Variants in ACSBG1 observed in about 807,000 individuals in gnomAD.
ACSBG1 encodes acyl-CoA synthetase bubblegum family member 1, also known as long-chain-fatty-acid--CoA ligase ACSBG1.
ACSBG1 carries 39 observed loss-of-function variants against 80.2 expected under a neutral mutation model. That is an observed-to-expected ratio of 0.49 (90% CI 0.38 to 0.64). The LOEUF (loss-of-function observed/expected upper bound fraction) is 0.64. Among genes scored for constraint, ACSBG1 ranks in the 30% least tolerant of loss-of-function variants. The probability of loss-of-function intolerance (pLI) is 0.00; values close to 1 mark genes in which losing one functional copy is unlikely to be tolerated. For synonymous variants in ACSBG1, 392 were observed against 379.5 expected (o/e 1.03, Z -0.38); for missense variants, 828 against 966.4 (o/e 0.86, Z 1.90).
intron 5 of ACSBG1, among the ~76,000 whole-genome samples, chr15:78,187,117 A>T (rs962153896): frequency 2.0e-5 from 3 of 152,326 alleles, no homozygotes; most frequent in Admixed American, 2.0e-4. Context: ...TCCCAAGACT[A>T]AACCAGGAAG....
In ACSBG1 at chr15:78,208,104, TG is replaced by T. The variant is rs754153527; in HGVS notation, c.132-3del. On this transcript the variant is annotated splice_polypyrimidine_tract_variant and splice_region_variant and intron_variant, in intron 1 of 13. Coordinates refer to ENST00000258873, the MANE Select transcript of ACSBG1 (RefSeq NM_015162.5). ...AGTGGCTGCCTGTCAGTCAGTGAGC[TG>T]GGGTGGTGAGGGGACCAGGAAAAAC... 1.4e-5 allele frequency: 22 copies of T among 1,613,080 alleles called. No individual in the cohort carries two copies. The highest frequency in any genetic ancestry group is 2.7e-5 in the African/African-American group (2 of 74,996).
chr15:78,200,439 G>A (rs895733803), intron 2 of ACSBG1, among the ~76,000 whole-genome samples: 1 of 152,116 alleles, frequency 6.6e-6, no homozygotes, highest in Non-Finnish European at 1.5e-5. Flanking sequence ...AGATTCTGGT[G>A]GGAAGGAGGC....
intron 1 of ACSBG1, among the ~76,000 whole-genome samples, chr15:78,218,793 ACGGAG>A (rs2075333897): frequency 1.0e-4 from 4 of 39,242 alleles, no homozygotes; most frequent in South Asian, 6.6e-4. Flanking sequence ...TTTTTTTGAG[ACGGAG>A]TATCGCTCTC....
chr15:78,204,120 A>G (rs924849808), intron 2 of ACSBG1, among the ~76,000 whole-genome samples: 3 of 152,192 alleles, frequency 2.0e-5, no homozygotes, highest in Admixed American at 2.0e-4. Context: ...CGGCCTTCTC[A>G]ATGGGGACTG....
chr15:78,201,077 C>T (rs573982991), intron 2 of ACSBG1, among the ~76,000 whole-genome samples: 3 of 152,202 alleles, frequency 2.0e-5, no homozygotes, highest in Non-Finnish European at 2.9e-5. Flanking sequence ...TCAAGGACCA[C>T]GTGTTGCCTC....
intron 1 of ACSBG1, among the ~76,000 whole-genome samples, chr15:78,225,433 A>AAATAAATAAAT (rs1491288043): frequency 6.8e-6 from 1 of 146,976 alleles, no homozygotes; most frequent in African/African-American, 2.5e-5. Context: ...ATAAATAAAT[A>AAATAAATAAAT]AAAATAAATT....
chr15:78,197,060 C>A (rs1368040004), intron 2 of ACSBG1, among the ~76,000 whole-genome samples: 2 of 150,308 alleles, frequency 1.3e-5, no homozygotes, highest in Non-Finnish European at 3.0e-5. Context: ...TGAGACCCAG[C>A]CTCAGAAAAA....
At chr15:78,234,326 C>A (rs764819829) in intron 1 of ACSBG1, 45 bp downstream of exon 1, 4 of 1,596,862 alleles carry the variant, frequency 2.5e-6, no homozygotes, top group Non-Finnish European at 3.4e-6. Context: ...AAGTCTAGAA[C>A]TCGGCCCACA....
At chr15:78,176,294 A>G (rs1443647245) in intron 11 of ACSBG1, among the ~76,000 whole-genome samples, 2 of 152,106 alleles carry the variant, frequency 1.3e-5, no homozygotes, top group Non-Finnish European at 1.5e-5. Context: ...CTTCTATTCA[A>G]CACTGTCCTG....
At chr15:78,181,899 G>A (rs2074949064) in intron 8 of ACSBG1, 70 bp downstream of exon 8, 1 of 1,546,954 alleles carries the variant, frequency 6.5e-7, no homozygotes, top group African/African-American at 1.4e-5. Flanking sequence ...ATGCACTCAG[G>A]GCCCACAGAC....
At position 78,173,606 on chromosome 15, in the gene ACSBG1, C is replaced by T. The variant is rs74894991; in HGVS notation, c.2076G>A (p.Ser692=). The change falls in exon 13 of 14, where the codon TCG becomes TCA. Residue 692 remains serine (S), a synonymous_variant. Coordinates refer to ENST00000258873, the MANE Select transcript of ACSBG1 (RefSeq NM_015162.5). ...WAILERDFSI[S]GGELGPTMKL... ...GGAAAAACCTACCCAACTCTCCACCCGAAATGGAGAAGTCTCTCTCGAGAA... is the reference window on the plus strand; with the variant it reads ...GGAAAAACCTACCCAACTCTCCACCTGAAATGGAGAAGTCTCTCTCGAGAA... 4,185 of 1,614,102 alleles carry T rather than the reference C, an allele frequency of 2.6e-3. 76 individuals are homozygous for T. In the African/African-American group the frequency reaches 0.047, roughly 18 times the overall value.
Position 78,179,795 on chromosome 15 carries a change from A to G in ACSBG1, c.1254-15T>C. The G allele has an allele frequency of 5.1e-6, 8 of 1,576,980 alleles. No homozygotes were observed. The highest frequency in any genetic ancestry group is 6.1e-6 in the Non-Finnish European group (7 of 1,149,536). ...GCTTCAGGTCGCTGGTGGGAGAGGG[A>G]GAATGGTTCACAGAAGAAATCACAC... is the stretch of plus-strand genomic sequence containing the variant. On this transcript the variant is annotated splice_polypyrimidine_tract_variant and intron_variant, in intron 9 of 13. Coordinates refer to ENST00000258873, the MANE Select transcript of ACSBG1 (RefSeq NM_015162.5).
chr15:78,177,501 A>G lies in ACSBG1; in HGVS notation c.1702+1113T>C, dbSNP rs934013055. Among the ~76,000 whole-genome samples the G allele has an allele frequency of 6.6e-6, 1 of 152,140 alleles. No individual in the cohort carries two copies. The highest frequency in any genetic ancestry group is 1.5e-5 in the Non-Finnish European group (1 of 68,030). ...GGTTGAATTTGGTTTTCTGGCTACT[A>G]TCCTCCCCCATGCAGGGATGTGGGT... On this transcript the variant is annotated intron_variant, in intron 11 of 13. Transcript: ENST00000258873. The surrounding 1 kb of genome is among the most constrained non-coding windows in gnomAD (Gnocchi z 4.1).
chr15:78,233,533 G>C (rs1370949556), intron 1 of ACSBG1, among the ~76,000 whole-genome samples: 3 of 152,128 alleles, frequency 2.0e-5, no homozygotes, highest in African/African-American at 7.2e-5. Flanking sequence ...TTCCTGTCTT[G>C]CTTTGTTAGG....
In ACSBG1 at chr15:78,234,410, T is replaced by C. The variant is rs946162923; in HGVS notation, c.92A>G (p.Asp31Gly). 2.1e-5 allele frequency: 34 copies of C among 1,612,888 alleles called. No individual in the cohort carries two copies. The highest frequency in any genetic ancestry group is 2.7e-5 in the African/African-American group (2 of 74,932). The change falls in exon 1 of 14, where the codon GAC becomes GGC. Residue 31 changes from aspartate to glycine, a missense_variant. Coordinates refer to ENST00000258873, the MANE Select transcript of ACSBG1 (RefSeq NM_015162.5). ...SRETPQESRQ[D>G]MIVRTTQEKL... Reference sequence around the variant, plus strand: ...TTCTTGGGTGGTCCTCACAATCATGTCCTGCCGGCTCTCCTGTGGGGTCTC... The same window carrying C: ...TTCTTGGGTGGTCCTCACAATCATGCCCTGCCGGCTCTCCTGTGGGGTCTC...
chr15:78,204,817 T>C (rs1029044040), intron 2 of ACSBG1, among the ~76,000 whole-genome samples: 3 of 152,158 alleles, frequency 2.0e-5, no homozygotes, highest in Non-Finnish European at 4.4e-5. Flanking sequence ...TCTTTCTGGC[T>C]CCCTAGCGCA....
At chr15:78,193,678 C>T (rs1463241070) in intron 4 of ACSBG1, 52 bp from the exon 5 acceptor site, 4 of 1,573,822 alleles carry the variant, frequency 2.5e-6, no homozygotes, top group Non-Finnish European at 3.4e-6. Flanking sequence ...AGGGGCCACC[C>T]CCTTCCCCCA....
chr15:78,194,617 A>C lies in ACSBG1; in HGVS notation c.342T>G (p.Asp114Glu). ...CCAAAGCGATGAGGTCCCCATACTTATCCAGGGCCTCGTAGAACATCCGAT... is the reference window on the plus strand; with the variant it reads ...CCAAAGCGATGAGGTCCCCATACTTCTCCAGGGCCTCGTAGAACATCCGAT... The part of the protein sequence containing the change: ...TVHRMFYEAL[D>E]KYGDLIALGF... The change falls in exon 3 of 14, where the codon GAT becomes GAG. Residue 114 changes from aspartate (D) to glutamate (E), a missense_variant. Asp to Glu is a conservative substitution (Grantham distance 45). Around this residue, in one of 3 missense-constraint regions of ACSBG1, gnomAD observed 356 missense variants for 363.5 expected, o/e 0.98. Coordinates refer to ENST00000258873, the MANE Select transcript of ACSBG1 (RefSeq NM_015162.5). The C allele has an allele frequency of 6.2e-7, 1 of 1,614,260 alleles. No homozygotes were observed.
rs2074819376 is a variant in ACSBG1, at chr15:78,171,387, G to A, written c.*57C>T. The A allele has an allele frequency of 3.4e-6, 5 of 1,463,910 alleles. No individual in the cohort carries two copies. The East Asian group carries it at 1.1e-4, about 33-fold the overall frequency. 90.7% of individuals were successfully genotyped at this position (1,463,910 alleles called of 1,614,324 possible). A position where few individuals can be genotyped will look rare whatever the true frequency, so the allele number is the denominator to read the frequency against. On this transcript the variant is annotated 3_prime_UTR_variant, in exon 14 of 14. Transcript: ENST00000258873. ...CAGACTGAAGAGACCTGGGGCTCAG[G>A]AAGAGGCTCGGAACGCCTGCCCTCT...
Sources: gnomAD v4.1 joint callset for allele counts (sites outside exome capture counted in the v4.1 genomes callset) on GRCh38, gnomAD v4.1.1 for gene constraint, gnomAD v4.1.1 regional missense constraint, Gnocchi (gnomAD v3.1) non-coding constraint, MANE v1.5 for transcripts, NCBI Gene and HGNC (gene_info 2026-07-23, HGNC 2026-07-21) for gene names.